The following OTULINL variants were observed in gnomAD, a reference collection of about 807,000 sequenced individuals.
OTULINL encodes inactive ubiquitin thioesterase OTULINL.
OTULINL carries 42 observed loss-of-function variants against 43.9 expected under a neutral mutation model. The observed-to-expected ratio is 0.96, with a 90% CI of 0.75 to 1.24. OTULINL has a LOEUF of 1.24. Among genes scored for constraint, OTULINL ranks in the 50% most tolerant of loss-of-function variants. The pLI is 0.00. For missense variants in OTULINL, 411 were observed against 426.4 expected (o/e 0.96, Z 0.32); for synonymous variants, 172 against 153.6 (o/e 1.12, Z -0.88).
chr5:14,601,129 G>GT lies in OTULINL; in HGVS notation c.224+6dup. Reference sequence around the variant, plus strand: ...TTCAGGGCACAAGCTGAAATGGTAGGTCACTGTATCATCCTTAAATTTCAA... The same window carrying GT: ...TTCAGGGCACAAGCTGAAATGGTAGGTTCACTGTATCATCCTTAAATTTCAA... On this transcript the variant is annotated splice_donor_region_variant and intron_variant, in intron 2 of 7. Coordinates refer to ENST00000274217, the MANE Select transcript of OTULINL (RefSeq NM_019018.3). The GT allele has an allele frequency of 6.2e-7, 1 of 1,611,274 alleles. No individual in the cohort carries two copies. The highest frequency in any genetic ancestry group is 8.5e-7 in the Non-Finnish European group (1 of 1,178,776).
intron 1 of OTULINL, among the ~76,000 whole-genome samples, chr5:14,588,881 A>G (rs1191231394): frequency 6.6e-6 from 1 of 152,188 alleles, no homozygotes; most frequent in African/African-American, 2.4e-5. Context: ...ATTCACTCAC[A>G]CAGCAGTACC....
intron 5 of OTULINL, 77 bp from the exon 6 acceptor site, chr5:14,607,253 G>T: frequency 1.4e-6 from 2 of 1,422,846 alleles, no homozygotes; most frequent in Non-Finnish European, 9.7e-7. Context: ...ATAAGGTTGT[G>T]TGCTGTGCTA....
chr5:14,601,405 G>A lies in OTULINL; in HGVS notation c.311G>A (p.Trp104Ter). 6.2e-7 allele frequency: 1 copy of A among 1,614,180 alleles called. No homozygotes were observed. The highest frequency in any genetic ancestry group is 8.5e-7 in the Non-Finnish European group (1 of 1,180,026). ...VDLLSYCARE[W>*]KGETPRNKLM... ...TTACTCAGTTATTGTGCAAGAGAAT[G>A]GAAAGGAGAGACACCCCGTAACAAG... Residue 104 changes from tryptophan to a stop codon, truncating the protein, a stop_gained, in exon 4 of 8, where the codon TGG becomes TAG. Coordinates refer to ENST00000274217, the MANE Select transcript of OTULINL (RefSeq NM_019018.3). LOFTEE classifies it high-confidence loss of function.
At chr5:14,595,246 G>C (rs1031412994) in intron 1 of OTULINL, among the ~76,000 whole-genome samples, 40 of 152,246 alleles carry the variant, frequency 2.6e-4, no homozygotes, top group Admixed American at 2.5e-3. Context: ...TGTGTAGAGA[G>C]AAAGTGTGGA....
intron 5 of OTULINL, among the ~76,000 whole-genome samples, chr5:14,603,334 T>C (rs978161175): frequency 3.9e-5 from 6 of 152,228 alleles, no homozygotes; most frequent in Non-Finnish European, 5.9e-5. Context: ...ATTGAGGGGA[T>C]AAGTAGCTAG....
chr5:14,582,045 C>T (rs989525948), intron 1 of OTULINL, 87 bp downstream of exon 1: 57 of 999,916 alleles, frequency 5.7e-5, no homozygotes, highest in Non-Finnish European at 6.9e-5. Flanking sequence ...AGGGACGCGC[C>T]CTCCTCGGCG....
intron 1 of OTULINL, among the ~76,000 whole-genome samples, chr5:14,584,944 T>TC (rs1312608874): frequency 1.3e-5 from 2 of 152,142 alleles, no homozygotes; most frequent in Non-Finnish European, 2.9e-5. Flanking sequence ...TGGTGGAACT[T>TC]CTGTGATCAA....
chr5:14,614,824 T>TA lies in OTULINL; in HGVS notation c.*4517dup, dbSNP rs796974700. 11 of 398,228 alleles carry TA rather than the reference T, an allele frequency of 2.8e-5. No homozygotes were observed. Among genetic ancestry groups the TA allele is most frequent in the South Asian group, 1.3e-4 (1 of 7,678 alleles). The allele number at this position is 398,228 out of a possible 1,614,324, so 24.7% of individuals were successfully genotyped here. A position where few individuals can be genotyped will look rare whatever the true frequency, so the allele number is the denominator to read the frequency against. ...ATCCTAGCTGGTGTCTCGTTCTGTT[T>TA]AAAAAAATCAAATTTCTGTATGTAA... On this transcript the variant is annotated 3_prime_UTR_variant, in exon 8 of 8. Transcript: ENST00000274217.
intron 5 of OTULINL, 98 bp downstream of exon 5, chr5:14,602,430 G>A (rs1214583476): frequency 8.4e-7 from 1 of 1,188,272 alleles, no homozygotes; most frequent in African/African-American, 1.5e-5. Flanking sequence ...ATGACCATGA[G>A]ATTGAAGAGA....
At chr5:14,599,594 A>T (rs986719494) in intron 1 of OTULINL, among the ~76,000 whole-genome samples, 1 of 152,222 alleles carries the variant, frequency 6.6e-6, no homozygotes, top group Non-Finnish European at 1.5e-5. Flanking sequence ...AAACTGTCAA[A>T]ATTTTAGATT....
intron 1 of OTULINL, among the ~76,000 whole-genome samples, chr5:14,587,056 A>G (rs1560958960): frequency 1.3e-5 from 2 of 152,148 alleles, no homozygotes; most frequent in African/African-American, 4.8e-5. Context: ...TACTTTGAAC[A>G]GTCTGTGTCT....
intron 7 of OTULINL, among the ~76,000 whole-genome samples, chr5:14,609,667 G>A (rs935452596): frequency 2.3e-5 from 3 of 132,368 alleles, no homozygotes; most frequent in Non-Finnish European, 4.7e-5. Context: ...GTCTCGTTCT[G>A]TCGCCCAGGC....
At chr5:14,584,541 C>G (rs922158430) in intron 1 of OTULINL, among the ~76,000 whole-genome samples, 1 of 152,106 alleles carries the variant, frequency 6.6e-6, no homozygotes, top group African/African-American at 2.4e-5. Flanking sequence ...ATGGTAATGG[C>G]TAATGTTTTT....
intron 1 of OTULINL, among the ~76,000 whole-genome samples, chr5:14,590,513 G>A (rs1318389042): frequency 6.6e-5 from 10 of 152,222 alleles, no homozygotes; most frequent in Admixed American, 6.5e-4. Context: ...CCCTTTAGGA[G>A]AGCAGATCTA....
chr5:14,589,264 G>C (rs185914107), intron 1 of OTULINL, among the ~76,000 whole-genome samples: 2 of 152,344 alleles, frequency 1.3e-5, no homozygotes, highest in African/African-American at 4.8e-5. Flanking sequence ...ATTTGCTCAA[G>C]CCTGGAGGTT....
In OTULINL at chr5:14,604,101, T is replaced by G. The variant is rs78047042; in HGVS notation, c.498+1769T>G. On this transcript the variant is annotated intron_variant, in intron 5 of 7. Coordinates refer to ENST00000274217, the MANE Select transcript of OTULINL (RefSeq NM_019018.3). ...AATCCCAGCACTTTGGGAGGCCAAG[T>G]TGGGAGTATCTCTGGAGGCCAGTAG... 7.2e-5 allele frequency among the ~76,000 whole-genome samples: 11 copies of G among 152,160 alleles called. No homozygotes were observed. In the East Asian group the frequency reaches 2.1e-3, roughly 29 times the overall value.
rs930720398 is a variant in OTULINL at position 14,610,438 on chromosome 5, A to G, written c.*124A>G. On this transcript the variant is annotated 3_prime_UTR_variant, in exon 8 of 8. Coordinates refer to ENST00000274217, the MANE Select transcript of OTULINL (RefSeq NM_019018.3). ...GAATTAGGACCTTTTCTTCAGGATTACAGGTACACTGGATGCAGCCATGCA... is the reference window on the plus strand; with the variant it reads ...GAATTAGGACCTTTTCTTCAGGATTGCAGGTACACTGGATGCAGCCATGCA... The G allele has an allele frequency of 1.0e-6, 1 of 964,922 alleles. No homozygotes were observed. Among genetic ancestry groups the G allele is most frequent in the Admixed American group, 2.6e-5 (1 of 38,464 alleles). The allele number at this position is 964,922 out of a possible 1,614,324, so 59.8% of individuals were successfully genotyped here.
intron 7 of OTULINL, 92 bp from the exon 8 acceptor site, chr5:14,610,049 C>A: frequency 9.0e-7 from 1 of 1,117,276 alleles, no homozygotes; most frequent in Non-Finnish European, 1.3e-6. Flanking sequence ...CAGATTATTT[C>A]ATAAACTGCA....
chr5:14,592,939 C>T (rs780844737), intron 1 of OTULINL, among the ~76,000 whole-genome samples: 1 of 152,190 alleles, frequency 6.6e-6, no homozygotes, highest in Non-Finnish European at 1.5e-5. Context: ...GTCTCATGTC[C>T]TAGGGAAGCA....
Sources: allele counts gnomAD v4.1 joint callset (sites outside exome capture counted in the v4.1 genomes callset), GRCh38; gene constraint gnomAD v4.1.1; transcripts MANE v1.5; gene names NCBI Gene and HGNC (gene_info 2026-07-23, HGNC 2026-07-21).